The following PLEKHA6 variants were observed in gnomAD, a reference collection of about 807,000 sequenced individuals.
The protein encoded by PLEKHA6 is pleckstrin homology domain-containing family A member 6.
Under a neutral mutation model 116.7 loss-of-function variants are expected in PLEKHA6, and 60 were observed. The observed-to-expected ratio is 0.51, with a 90% CI of 0.42 to 0.64. The LOEUF is 0.64. PLEKHA6 is among the 30% of genes least tolerant of loss of function. The pLI is 0.00. For synonymous variants in PLEKHA6, 489 were observed against 556.1 expected (o/e 0.88, Z 1.70); for missense variants, 1,338 against 1,422.7 (o/e 0.94, Z 0.96).
At chr1:204,271,102 A>T (rs1290627010) in intron 3 of PLEKHA6, among the ~76,000 whole-genome samples, 1 of 152,190 alleles carries the variant, frequency 6.6e-6, no homozygotes, top group Non-Finnish European at 1.5e-5. Context: ...AGCCCAACAC[A>T]AACTTTCTTA....
In PLEKHA6 at chr1:204,264,233, T is replaced by C. The variant is rs78895041; in HGVS notation, c.381+709A>G. On this transcript the variant is annotated intron_variant, in intron 6 of 22. Transcript: ENST00000272203. ...AAAATACGAAAGGGCATGAGATTTT[T>C]ATAGTTTCTGATGGGTCGTGACTTT... Among the ~76,000 whole-genome samples the C allele has an allele frequency of 8.1e-3, 1,235 of 152,288 alleles. 18 individuals are homozygous for C. Among genetic ancestry groups the C allele is most frequent in the African/African-American group, 0.028 (1,174 of 41,544 alleles).
intron 3 of PLEKHA6, among the ~76,000 whole-genome samples, chr1:204,269,631 T>G (rs558344379): frequency 5.1e-4 from 77 of 151,872 alleles, no homozygotes; most frequent in African/African-American, 1.8e-3. Context: ...AATTTGAGGC[T>G]ATTAGACATG....
intron 1 of PLEKHA6, among the ~76,000 whole-genome samples, chr1:204,328,007 C>G (rs971058241): frequency 1.3e-5 from 2 of 152,032 alleles, no homozygotes; most frequent in East Asian, 3.9e-4. Context: ...TTCTGATGAC[C>G]CTGGCTGGGA....
upstream of PLEKHA6, among the ~76,000 whole-genome samples, chr1:204,360,528 G>C (rs1461969442): frequency 6.6e-6 from 1 of 152,174 alleles, no homozygotes; most frequent in Non-Finnish European, 1.5e-5. Context: ...CAGGCCCTGG[G>C]AGGGAAGTCT....
At chr1:204,298,331 T>A (rs1670486792) in intron 1 of PLEKHA6, among the ~76,000 whole-genome samples, 1 of 152,248 alleles carries the variant, frequency 6.6e-6, no homozygotes, top group Non-Finnish European at 1.5e-5. Flanking sequence ...CAATGAGCTT[T>A]CCAACAGTGA....
At chr1:204,266,400 C>A (rs1457351641) in intron 5 of PLEKHA6, among the ~76,000 whole-genome samples, 4 of 152,140 alleles carry the variant, frequency 2.6e-5, no homozygotes, top group Non-Finnish European at 5.9e-5. Context: ...GGTTCTACCC[C>A]CACTGCTTCC....
intron 9 of PLEKHA6, chr1:204,256,968 G>A (rs372494803): frequency 6.9e-6 from 4 of 583,592 alleles, no homozygotes; most frequent in East Asian, 2.9e-5. Flanking sequence ...CAAGGTTAGA[G>A]GTATTTGTGT....
chr1:204,249,230 A>G lies in PLEKHA6; in HGVS notation c.1628T>C (p.Val543Ala). ...CACCAGCCGGTCCTGCTCCCTCACCACCTTGTTCTGCTCACACAATTTTCC... is the reference window on the plus strand; with the variant it reads ...CACCAGCCGGTCCTGCTCCCTCACCGCCTTGTTCTGCTCACACAATTTTCC... ...LLGKLCEQNKVVREQDRLVQQ... is the reference protein window; with the variant it reads ...LLGKLCEQNKAVREQDRLVQQ... The change falls in exon 11 of 23, where the codon GTG (valine) becomes GCG (alanine). Residue 543 changes from valine (V) to alanine (A), a missense_variant. By Grantham distance (64) the Val-to-Ala change is moderately conservative. This residue lies in a region of PLEKHA6 where 1,136 missense variants were observed against 1,163.6 expected (regional missense o/e 0.98). Coordinates refer to ENST00000272203, the MANE Select transcript of PLEKHA6 (RefSeq NM_014935.5). The G allele has an allele frequency of 6.2e-7, 1 of 1,613,726 alleles. No individual in the cohort carries two copies. Among genetic ancestry groups the G allele is most frequent in the African/African-American group, 1.3e-5 (1 of 74,974 alleles).
intron 3 of PLEKHA6, among the ~76,000 whole-genome samples, chr1:204,272,590 A>G (rs1443802859): frequency 6.6e-6 from 1 of 152,196 alleles, no homozygotes; most frequent in Non-Finnish European, 1.5e-5. Context: ...TAATAAAACA[A>G]GACAACCGGA....
At chr1:204,288,482 A>G (rs1373723892) in intron 1 of PLEKHA6, among the ~76,000 whole-genome samples, 1 of 152,220 alleles carries the variant, frequency 6.6e-6, no homozygotes, top group Non-Finnish European at 1.5e-5. Context: ...CAATTGGATG[A>G]GCCCACATTA....
In PLEKHA6 at chr1:204,296,907, A is replaced by G. The variant is rs75061335; in HGVS notation, c.-94-22098T>C. 3.9e-5 allele frequency among the ~76,000 whole-genome samples: 6 copies of G among 152,362 alleles called. No homozygotes were observed. In the East Asian group the frequency reaches 1.2e-3, roughly 29 times the overall value. On this transcript the variant is annotated intron_variant, in intron 1 of 22. Coordinates refer to ENST00000272203, the MANE Select transcript of PLEKHA6 (RefSeq NM_014935.5). ...TGGACGGAAATGAGAGGTTTGAGGC[A>G]TCGCAGAGTGAAGGGGAGCAGAAAG...
At chr1:204,258,978 C>T (rs1665728638) in intron 8 of PLEKHA6, among the ~76,000 whole-genome samples, 1 of 152,188 alleles carries the variant, frequency 6.6e-6, no homozygotes, top group African/African-American at 2.4e-5. Context: ...GTTCTGGGCT[C>T]CCCAGCACGC....
At chr1:204,265,192 C>G (rs1666648735) in intron 5 of PLEKHA6, 150 bp from the exon 6 acceptor site, 1 of 654,944 alleles carries the variant, frequency 1.5e-6, no homozygotes, top group African/African-American at 1.8e-5. Context: ...CTCAGGGCCA[C>G]CACACATGCT....
At chr1:204,305,291 C>T (rs937766827) in intron 1 of PLEKHA6, among the ~76,000 whole-genome samples, 6 of 152,304 alleles carry the variant, frequency 3.9e-5, no homozygotes, top group South Asian at 4.1e-4. Flanking sequence ...AAGGAAAGTG[C>T]GTGCATTGCT....
In PLEKHA6 at chr1:204,347,107, C is replaced by G. The variant is rs952471986; in HGVS notation, c.-95+12587G>C. 2.5e-5 allele frequency: 30 copies of G among 1,204,894 alleles called. 1 individual carries two copies. Among genetic ancestry groups the G allele is most frequent in the Admixed American group, 5.0e-5 (3 of 59,534 alleles). The allele number at this position is 1,204,894 out of a possible 1,614,324, so 74.6% of individuals were successfully genotyped here. A position where few individuals can be genotyped will look rare whatever the true frequency, so the allele number is the denominator to read the frequency against. ...GCCGTGGTAACGCGTGTGGGGCATT[C>G]CTTTTTGAACAGTACCCATTCCCTT... On this transcript the variant is annotated intron_variant, in intron 1 of 22. Coordinates refer to ENST00000272203, the MANE Select transcript of PLEKHA6 (RefSeq NM_014935.5).
At chr1:204,368,922 T>A (rs1055546342) in intron 2 of PLEKHA6, 1 of 152,270 alleles carries the variant, frequency 6.6e-6, no homozygotes, top group Admixed American at 6.5e-5. Flanking sequence ...CTGGTCTGAC[T>A]GTCTCCTGCC....
At chr1:204,235,696 G>A (rs1015997800) in intron 17 of PLEKHA6, among the ~76,000 whole-genome samples, 7 of 126,498 alleles carry the variant, frequency 5.5e-5, no homozygotes, top group Non-Finnish European at 1.1e-4. Flanking sequence ...CCCTGATGAA[G>A]CTGGGGACAT....
In PLEKHA6 at chr1:204,299,540, G is replaced by A. The variant is rs139092615; in HGVS notation, c.-94-24731C>T. The A allele has an allele frequency of 8.2e-3, 6,182 of 755,662 alleles. 28 individuals carry two copies. Among genetic ancestry groups the A allele is most frequent in the Non-Finnish European group, 9.1e-3 (5,660 of 620,376 alleles). 46.8% of individuals were successfully genotyped at this position (755,662 alleles called of 1,614,324 possible). A position where few individuals can be genotyped will look rare whatever the true frequency, so the allele number is the denominator to read the frequency against. On this transcript the variant is annotated intron_variant, in intron 1 of 22. Transcript: ENST00000272203. ...GAAGGACTCAGGGAGCTCTGAGCCG[G>A]CAGCCAGCAAGCTGACACAGCTTTG...
In PLEKHA6 at chr1:204,255,480, C is replaced by T. The variant is rs1009285234; in HGVS notation, c.1524+1873G>A. 54 of 606,004 alleles carry T rather than the reference C, an allele frequency of 8.9e-5. No individual in the cohort carries two copies. The East Asian group carries it at 1.4e-3, about 15-fold the overall frequency. 37.5% of individuals were successfully genotyped at this position (606,004 alleles called of 1,614,324 possible). ...GCTTTGAAGAGAAGGGGTGTGTAGG[C>T]GCAAACCAAAACATAAGCCACTTTG... is the stretch of plus-strand genomic sequence containing the variant. On this transcript the variant is annotated intron_variant, in intron 9 of 22. Coordinates refer to ENST00000272203, the MANE Select transcript of PLEKHA6 (RefSeq NM_014935.5).
Sources: allele counts gnomAD v4.1 joint callset (sites outside exome capture counted in the v4.1 genomes callset), GRCh38; gene constraint gnomAD v4.1.1; regional missense constraint gnomAD v4.1.1; transcripts MANE v1.5; gene names NCBI Gene and HGNC (gene_info 2026-07-23, HGNC 2026-07-21).